The following CEP72 variants were observed in gnomAD, a reference collection of about 807,000 sequenced individuals.
CEP72 encodes the protein centrosomal protein 72.
In CEP72, 78 loss-of-function variants were observed where a neutral mutation model predicts 65.7. The ratio of observed to expected loss-of-function variants is 1.19; its 90% CI spans 0.99 to 1.43. The LOEUF (loss-of-function observed/expected upper bound fraction) is 1.43. CEP72 is among the 40% of genes most tolerant of loss of function. CEP72 has a pLI of 0.00. For synonymous variants in CEP72, 358 were observed against 351.7 expected (o/e 1.02, Z -0.20); for missense variants, 914 against 832.9 (o/e 1.10, Z -1.20).
rs747954167 is a variant in CEP72 at position 640,471 on chromosome 5, T to C, written c.1406T>C (p.Met469Thr). The change falls in exon 9 of 12, where the codon ATG becomes ACG. Residue 469 changes from methionine to threonine, a missense_variant. By Grantham distance (81) the Met-to-Thr change is moderately conservative. Coordinates refer to ENST00000264935, the MANE Select transcript of CEP72 (RefSeq NM_018140.4). The part of the protein sequence containing the change: ...EFTAAQDSSA[M>T]VGEDVGSLAL... ...ACAGCAGCTCAGGACAGCTCTGCGA[T>C]GGTGGGTGAAGATGTCGGCTCCCTG... 11 of 1,614,226 alleles carry C rather than the reference T, an allele frequency of 6.8e-6. No homozygotes were observed. The highest frequency in any genetic ancestry group is 8.5e-6 in the Non-Finnish European group (10 of 1,180,038).
rs763488784 is a variant in CEP72, at chr5:624,576, G to A, written c.509G>A (p.Gly170Asp). The change falls in exon 4 of 12, where the codon GGC becomes GAC. Residue 170 changes from glycine to aspartate, a missense_variant. By Grantham distance (94) the Gly-to-Asp change is moderately conservative. Coordinates refer to ENST00000264935, the MANE Select transcript of CEP72 (RefSeq NM_018140.4). This position sits in a 1 kb window ranked among gnomAD's most constrained non-coding sequence, Gnocchi z 4.7. ...KESVPASLKE[G>D]RPHHPRAKCT... ...AGCGTCCCAGCTTCTTTGAAAGAGG[G>A]CAGGTATGAACGGAAGTGCTACGGA... The A allele has an allele frequency of 3.7e-6, 6 of 1,607,380 alleles. No individual in the cohort carries two copies. The Admixed American group carries it at 8.3e-5, about 22-fold the overall frequency.
rs895389692 is a variant in CEP72 at position 624,280 on chromosome 5, C to A, written c.404-191C>A. 6.6e-6 allele frequency among the ~76,000 whole-genome samples: 1 copy of A among 152,174 alleles called. No homozygotes were observed. The highest frequency in any genetic ancestry group is 1.5e-5 in the Non-Finnish European group (1 of 68,026). On this transcript the variant is annotated intron_variant, in intron 3 of 11. Transcript: ENST00000264935. This position sits in a 1 kb window ranked among gnomAD's most constrained non-coding sequence, Gnocchi z 4.7. ...GCAGCAGTGAGCTCTGAGGGACAGG[C>A]GGCCTCAGCACCACGCTGGGCATCG...
intron 8 of CEP72, among the ~76,000 whole-genome samples, chr5:639,571 T>G (rs1479461164): frequency 1.3e-5 from 2 of 152,226 alleles, no homozygotes; most frequent in Non-Finnish European, 2.9e-5. Flanking sequence ...GCTCAGCATC[T>G]TCTCCCCCGA....
chr5:644,571 C>A, intron 10 of CEP72, 146 bp downstream of exon 10: 1 of 955,646 alleles, frequency 1.0e-6, no homozygotes, highest in Admixed American at 2.1e-5. Flanking sequence ...GCCTCACTGG[C>A]TGGGGTGGAG....
At chr5:644,873 G>A (rs1371533653) in intron 10 of CEP72, among the ~76,000 whole-genome samples, 2 of 152,184 alleles carry the variant, frequency 1.3e-5, no homozygotes, top group African/African-American at 4.8e-5. Flanking sequence ...TCCCGAGCAG[G>A]CCTGCTGTGG....
chr5:646,569 C>G (rs1738438095), intron 10 of CEP72, among the ~76,000 whole-genome samples: 1 of 152,122 alleles, frequency 6.6e-6, no homozygotes, highest in Non-Finnish European at 1.5e-5. Context: ...TCCTGGTTGA[C>G]CTTGACCCTG....
the CEP72 span, among the ~76,000 whole-genome samples, chr5:675,033 GAGGGGGGTA>G: frequency 9.5e-6 from 1 of 105,112 alleles, no homozygotes; most frequent in Non-Finnish European, 2.0e-5. Context: ...GGGGAGCAGT[GAGGGGGGTA>G]CAGTATGGCT....
intron 9 of CEP72, chr5:643,771 T>C (rs1738223226): frequency 3.7e-6 from 2 of 533,634 alleles, no homozygotes; most frequent in African/African-American, 4.1e-5. Flanking sequence ...GAGGCTGCCG[T>C]GTAGCTGCAG....
chr5:668,515 G>T (rs1258544428), downstream of CEP72, among the ~76,000 whole-genome samples: 1 of 152,076 alleles, frequency 6.6e-6, no homozygotes, highest in Non-Finnish European at 1.5e-5. Flanking sequence ...CCACAGCGAG[G>T]CCCCTGCACA....
downstream of CEP72, chr5:661,505 T>C (rs1246088186): frequency 6.6e-6 from 1 of 152,438 alleles, no homozygotes; most frequent in Non-Finnish European, 1.5e-5. Flanking sequence ...GTTGTGCAGT[T>C]TGTTATTCAC....
chr5:642,587 A>G (rs949579476), intron 9 of CEP72: 3 of 985,486 alleles, frequency 3.0e-6, no homozygotes, highest in African/African-American at 1.7e-5. Flanking sequence ...TGAGAGTCAC[A>G]TGCAGCTGTG....
At chr5:665,898 C>T in intron 3 of CEP72, 1 of 886,384 alleles carries the variant, frequency 1.1e-6, no homozygotes, top group Non-Finnish European at 1.5e-6. Flanking sequence ...ACCCCTCCCC[C>T]AGGCACCACC....
In CEP72 at chr5:633,682, G is replaced by C; in HGVS notation, c.513-87G>C. On this transcript the variant is annotated intron_variant, in intron 4 of 11. Transcript: ENST00000264935. ...CAGCACGCTGCTTCTCTCAGAGACC[G>C]TGCAGGAATTTTCCTTCTCCTGGTC... 3.1e-6 allele frequency: 4 copies of C among 1,297,486 alleles called. No individual in the cohort carries two copies. The South Asian group carries it at 3.9e-5, about 13-fold the overall frequency. 80.4% of individuals were successfully genotyped at this position (1,297,486 alleles called of 1,614,324 possible). A position where few individuals can be genotyped will look rare whatever the true frequency, so the allele number is the denominator to read the frequency against.
intron 4 of CEP72, among the ~76,000 whole-genome samples, chr5:627,909 C>T (rs921340233): frequency 7.2e-5 from 11 of 152,210 alleles, no homozygotes; most frequent in African/African-American, 9.6e-5. Context: ...AGTCTTCCCC[C>T]GCCATTCACG....
intron 11 of CEP72, among the ~76,000 whole-genome samples, chr5:649,132 T>TG: frequency 1.6e-5 from 2 of 128,310 alleles, no homozygotes; most frequent in African/African-American, 5.9e-5. Flanking sequence ...ATGTGAGGCG[T>TG]GACTGTGAGG....
chr5:675,622 C>T, the CEP72 span, among the ~76,000 whole-genome samples: 2 of 151,874 alleles, frequency 1.3e-5, no homozygotes, highest in South Asian at 2.1e-4. Context: ...GCCGGGAGTG[C>T]AGTGCCAGAG....
downstream of CEP72, among the ~76,000 whole-genome samples, chr5:671,333 C>T (rs1169964918): frequency 1.3e-5 from 2 of 152,122 alleles, no homozygotes; most frequent in African/African-American, 4.8e-5. Context: ...GACTTGGGGC[C>T]CAGAGGGACC....
At chr5:635,265 C>A in intron 5 of CEP72, 107 bp from the exon 6 acceptor site, 1 of 810,760 alleles carries the variant, frequency 1.2e-6, no homozygotes, top group Non-Finnish European at 2.0e-6. Flanking sequence ...ATTAACCCCT[C>A]GGTCTAACAG....
chr5:633,168 A>G (rs548304987), intron 4 of CEP72, among the ~76,000 whole-genome samples: 1 of 86,038 alleles, frequency 1.2e-5, no homozygotes, highest in Non-Finnish European at 2.1e-5. Flanking sequence ...GATTTGGCCC[A>G]GTCCTGGTGG....
Sources: allele counts gnomAD v4.1 joint callset (sites outside exome capture counted in the v4.1 genomes callset), GRCh38; gene constraint gnomAD v4.1.1; non-coding constraint Gnocchi (gnomAD v3.1); transcripts MANE v1.5; gene names NCBI Gene and HGNC (gene_info 2026-07-23, HGNC 2026-07-21).